RAB38: variants seen among roughly 807,000 people sequenced by gnomAD.
The protein encoded by RAB38 is RAB38, member RAS oncogene family.
A neutral mutation model predicts 18.4 loss-of-function variants in RAB38; 15 were observed. That is an observed-to-expected ratio of 0.82 (90% CI 0.55 to 1.26). RAB38 has a LOEUF of 1.26. Ranked by LOEUF, RAB38 falls within the 50% of genes most tolerant of loss-of-function variation. The pLI is 0.00. For synonymous variants in RAB38, 101 were observed against 104.4 expected (o/e 0.97, Z 0.20); for missense variants, 294 against 267.4 (o/e 1.10, Z -0.69).
chr11:88,104,570 A>G, the RAB38 span, among the ~76,000 whole-genome samples: 1 of 152,088 alleles, frequency 6.6e-6, no homozygotes, highest in Non-Finnish European at 1.5e-5. Context: ...TAATTTCTTC[A>G]TCTCTCAAAT....
the RAB38 span, among the ~76,000 whole-genome samples, chr11:87,899,604 G>A: frequency 6.6e-6 from 1 of 151,456 alleles, no homozygotes. Flanking sequence ...ATCAGGGAAG[G>A]GGCACCATTA....
the RAB38 span, among the ~76,000 whole-genome samples, chr11:88,078,478 T>C: frequency 6.7e-6 from 1 of 149,368 alleles, no homozygotes; most frequent in African/African-American, 2.5e-5. Context: ...AAATATCATG[T>C]ATATGTATAT....
At chr11:88,031,671 A>T in the RAB38 span, among the ~76,000 whole-genome samples, 63 of 151,158 alleles carry the variant, frequency 4.2e-4, no homozygotes, top group Non-Finnish European at 6.7e-4. Context: ...CCAACTTACA[A>T]GGGATGTGAA....
the RAB38 span, among the ~76,000 whole-genome samples, chr11:88,026,152 A>G: frequency 6.6e-6 from 1 of 152,054 alleles, no homozygotes; most frequent in Non-Finnish European, 1.5e-5. Flanking sequence ...TTTAGTAGAG[A>G]CAGGGTTTCA....
At chr11:88,056,461 T>C in the RAB38 span, among the ~76,000 whole-genome samples, 1 of 152,044 alleles carries the variant, frequency 6.6e-6, no homozygotes, top group Non-Finnish European at 1.5e-5. Flanking sequence ...CTAAATGCAG[T>C]TCTAAATGGT....
the RAB38 span, among the ~76,000 whole-genome samples, chr11:87,820,235 G>A: frequency 6.6e-6 from 1 of 152,150 alleles, no homozygotes; most frequent in Non-Finnish European, 1.5e-5. Flanking sequence ...GAAAGAGACA[G>A]GAAACCAAGC....
At chr11:87,942,230 G>T in the RAB38 span, among the ~76,000 whole-genome samples, 5 of 152,126 alleles carry the variant, frequency 3.3e-5, no homozygotes, top group Admixed American at 2.6e-4. Flanking sequence ...TTAAATTCCA[G>T]ATTTTGTCCA....
At chr11:88,103,485 G>C in the RAB38 span, among the ~76,000 whole-genome samples, 11 of 152,030 alleles carry the variant, frequency 7.2e-5, no homozygotes, top group Non-Finnish European at 1.5e-4. Flanking sequence ...GAAACAAAGG[G>C]CTCCAAGGTA....
the RAB38 span, among the ~76,000 whole-genome samples, chr11:88,101,944 T>C: frequency 6.6e-6 from 1 of 151,518 alleles, no homozygotes; most frequent in Non-Finnish European, 1.5e-5. Context: ...GAAGAAAGAG[T>C]GAAAGAGGAA....
intron 1 of RAB38, among the ~76,000 whole-genome samples, chr11:88,160,186 A>G (rs1396344300): frequency 6.6e-6 from 1 of 152,168 alleles, no homozygotes; most frequent in African/African-American, 2.4e-5. Flanking sequence ...ACAGTTCTCA[A>G]AAGAAGATAT....
At chr11:87,849,135 G>A in the RAB38 span, among the ~76,000 whole-genome samples, 1 of 152,090 alleles carries the variant, frequency 6.6e-6, no homozygotes, top group Non-Finnish European at 1.5e-5. Context: ...ATAGAGCGTT[G>A]TTTCTGAAAT....
chr11:88,095,037 T>C, the RAB38 span, among the ~76,000 whole-genome samples: 2 of 151,944 alleles, frequency 1.3e-5, no homozygotes, highest in African/African-American at 4.8e-5. Context: ...GATCCTCTTT[T>C]CTCACTCAAA....
chr11:87,865,588 T>A, the RAB38 span, among the ~76,000 whole-genome samples: 1 of 151,594 alleles, frequency 6.6e-6, no homozygotes, highest in East Asian at 1.9e-4. Flanking sequence ...AACCGTGAGA[T>A]GAAATATGTT....
chr11:88,024,113 G>A, the RAB38 span, among the ~76,000 whole-genome samples: 106,045 of 151,982 alleles, frequency 0.7, 37,229 homozygotes, highest in East Asian at 0.76. Flanking sequence ...GAGATAACCA[G>A]TAGAATGGGA....
At chr11:87,806,193 A>G in the RAB38 span, among the ~76,000 whole-genome samples, 1 of 152,184 alleles carries the variant, frequency 6.6e-6, no homozygotes, top group Non-Finnish European at 1.5e-5. Context: ...TAGAGACTTC[A>G]TGATATGCAG....
chr11:88,017,036 A>G, the RAB38 span, among the ~76,000 whole-genome samples: 4 of 152,062 alleles, frequency 2.6e-5, no homozygotes, highest in African/African-American at 9.7e-5. Context: ...AGGGTTTCTT[A>G]AGAGTCATAA....
chr11:88,127,384 A>C (rs1942711861), intron 2 of RAB38, among the ~76,000 whole-genome samples: 2 of 152,204 alleles, frequency 1.3e-5, no homozygotes, highest in African/African-American at 4.8e-5. Context: ...ATGATTGTGC[A>C]GTGGTCATAA....
At chr11:88,152,851 T>C (rs1164421037) in intron 1 of RAB38, among the ~76,000 whole-genome samples, 1 of 152,272 alleles carries the variant, frequency 6.6e-6, no homozygotes, top group East Asian at 1.9e-4. Flanking sequence ...TAAAGCTCTA[T>C]ACTTTGTGCT....
Position 88,113,897 on chromosome 11 carries a change from C to G in RAB38, c.*91G>C, listed in dbSNP as rs562618524. On this transcript the variant is annotated 3_prime_UTR_variant, in exon 3 of 3. Coordinates refer to ENST00000243662, the MANE Select transcript of RAB38 (RefSeq NM_022337.3). ...CTTTGGCTTGCCACATGTGGTATCT[C>G]TATCCTGACGTTTACCCAAAATGGT... is the stretch of plus-strand genomic sequence containing the variant. 3.1e-5 allele frequency: 47 copies of G among 1,494,448 alleles called. No individual in the cohort carries two copies. Among genetic ancestry groups the G allele is most frequent in the Non-Finnish European group, 4.3e-5 (47 of 1,081,962 alleles). The allele number at this position is 1,494,448 out of a possible 1,614,324, so 92.6% of individuals were successfully genotyped here.
Sources: allele counts gnomAD v4.1 joint callset (sites outside exome capture counted in the v4.1 genomes callset), GRCh38; gene constraint gnomAD v4.1.1; transcripts MANE v1.5; gene names NCBI Gene and HGNC (gene_info 2026-07-23, HGNC 2026-07-21).